Variants in CLEC16A observed in about 807,000 individuals in gnomAD.
The protein encoded by CLEC16A is protein CLEC16A.
CLEC16A carries 51 observed loss-of-function variants against 109.5 expected under a neutral mutation model. The ratio of observed to expected loss-of-function variants is 0.47; its 90% confidence interval spans 0.37 to 0.59. The LOEUF (loss-of-function observed/expected upper bound fraction) is 0.59, where lower values mean the gene tolerates loss of function less well. Ranked by LOEUF, CLEC16A falls within the 20% of genes least tolerant of loss-of-function variation. CLEC16A has a pLI of 0.00. For synonymous variants in CLEC16A, 673 were observed against 564.2 expected (o/e 1.19, Z -2.73); for missense variants, 1,339 against 1,394.0 (o/e 0.96, Z 0.63).
intron 22 of CLEC16A, among the ~76,000 whole-genome samples, chr16:11,159,028 CAA>C: frequency 6.6e-6 from 1 of 152,126 alleles, no homozygotes; most frequent in South Asian, 2.1e-4. Flanking sequence ...TCTTAATTTT[CAA>C]AAGGAGTATG....
intron 22 of CLEC16A, among the ~76,000 whole-genome samples, chr16:11,158,185 T>G (rs1310806342): frequency 6.6e-6 from 1 of 151,972 alleles, no homozygotes; most frequent in Non-Finnish European, 1.5e-5. Context: ...GCCGATTGAT[T>G]TTTTTTTACT....
chr16:11,049,134 A>G (rs1300165082), intron 17 of CLEC16A, among the ~76,000 whole-genome samples: 1 of 151,702 alleles, frequency 6.6e-6, no homozygotes, highest in African/African-American at 2.4e-5. Flanking sequence ...CAGCCTCCCG[A>G]GTAGCTGGGA....
At chr16:11,168,998 G>A (rs2140967206) in intron 23 of CLEC16A, among the ~76,000 whole-genome samples, 1 of 152,342 alleles carries the variant, frequency 6.6e-6, no homozygotes, top group Middle Eastern at 3.4e-3. Context: ...TCCTTGGAGG[G>A]CCAGCCAGGC....
chr16:11,061,786 A>C (rs551614218), intron 19 of CLEC16A, among the ~76,000 whole-genome samples: 6 of 152,320 alleles, frequency 3.9e-5, no homozygotes, highest in African/African-American at 1.4e-4. Flanking sequence ...GGCTGATGTC[A>C]CTGGGAAGTC....
intron 19 of CLEC16A, among the ~76,000 whole-genome samples, chr16:11,110,427 C>T (rs1248695461): frequency 1.3e-5 from 2 of 152,172 alleles, no homozygotes; most frequent in African/African-American, 4.8e-5. Flanking sequence ...GGCCTCACTG[C>T]AGAGCCCGGG....
chr16:10,982,856 C>T, intron 9 of CLEC16A, 22 bp from the exon 10 acceptor site: 2 of 1,386,624 alleles, frequency 1.4e-6, no homozygotes, highest in East Asian at 2.3e-5. Flanking sequence ...CATGCAAATC[C>T]CGTTTCTTTT....
intron 19 of CLEC16A, among the ~76,000 whole-genome samples, chr16:11,111,039 C>T (rs1300260866): frequency 6.6e-6 from 1 of 151,908 alleles, no homozygotes; most frequent in African/African-American, 2.4e-5. Flanking sequence ...CCAAGGTCCC[C>T]AAAACAGCCA....
At chr16:11,170,431 C>T (rs552013693) in intron 23 of CLEC16A, among the ~76,000 whole-genome samples, 3 of 152,324 alleles carry the variant, frequency 2.0e-5, no homozygotes, top group East Asian at 1.9e-4. Context: ...CTCCAGCCTG[C>T]GTCCAGCTCA....
At chr16:11,085,605 GT>G (rs2049969108) in intron 19 of CLEC16A, among the ~76,000 whole-genome samples, 1 of 152,244 alleles carries the variant, frequency 6.6e-6, no homozygotes, top group African/African-American at 2.4e-5. Context: ...GTGCTTGGTA[GT>G]TGTTATTGTC....
intron 1 of CLEC16A, among the ~76,000 whole-genome samples, chr16:10,948,925 T>C: frequency 6.6e-6 from 1 of 152,256 alleles, no homozygotes; most frequent in Middle Eastern, 3.4e-3. Context: ...AAGTCCAGAA[T>C]TGAGATTGAG....
chr16:11,165,762 G>C (rs188239945), intron 22 of CLEC16A, among the ~76,000 whole-genome samples: 23 of 152,264 alleles, frequency 1.5e-4, no homozygotes, highest in African/African-American at 5.3e-4. Context: ...CCGCAGAAAC[G>C]TGTGGGCAGA....
chr16:10,984,318 C>A lies in CLEC16A; in HGVS notation c.1071+1327C>A, dbSNP rs115890664. Among the ~76,000 whole-genome samples, 577 of 152,286 alleles carry A rather than the reference C, an allele frequency of 3.8e-3. 4 individuals carry two copies. The highest frequency in any genetic ancestry group is 0.02 in the Middle Eastern group (6 of 294). The stretch of plus-strand genomic sequence containing the variant: ...TGAAAAGCTTCCCAGAAACTCTGTC[C>A]TTGTTAGTGGTGGTGGCATTAGTGA... On this transcript the variant is annotated intron_variant, in intron 10 of 23. Transcript: ENST00000409790.
At chr16:11,083,480 G>A (rs781235134) in intron 19 of CLEC16A, among the ~76,000 whole-genome samples, 26 of 152,176 alleles carry the variant, frequency 1.7e-4, no homozygotes, top group Non-Finnish European at 3.2e-4. Context: ...CTCATCATGT[G>A]CCAGGCACTG....
At chr16:11,064,640 G>C (rs956446270) in intron 19 of CLEC16A, among the ~76,000 whole-genome samples, 5 of 152,164 alleles carry the variant, frequency 3.3e-5, no homozygotes, top group Admixed American at 1.3e-4. Context: ...AGCCGGTTGT[G>C]GTGGCAGATA....
chr16:10,962,673 A>G, intron 3 of CLEC16A, 85 bp downstream of exon 3: 19 of 1,447,276 alleles, frequency 1.3e-5, no homozygotes, highest in Non-Finnish European at 1.8e-5. Flanking sequence ...GTCTGCGCTT[A>G]CTATTCGTCG....
chr16:10,974,749 C>T (rs563565783), intron 7 of CLEC16A, among the ~76,000 whole-genome samples: 4 of 152,350 alleles, frequency 2.6e-5, no homozygotes, highest in African/African-American at 7.2e-5. Flanking sequence ...TGGATTTAAA[C>T]AGTCATGGAT....
At position 11,058,100 on chromosome 16, in the gene CLEC16A, T is replaced by A. The variant is rs1271596803; in HGVS notation, c.1996-2802T>A. Among the ~76,000 whole-genome samples, 3 of 152,248 alleles carry A rather than the reference T, an allele frequency of 2.0e-5. No individual in the cohort carries two copies. In the East Asian group the frequency reaches 5.8e-4, roughly 29 times the overall value. On this transcript the variant is annotated intron_variant, in intron 18 of 23. Transcript: ENST00000409790. ...GCCCAATGTGCCTACCAGGCCCTTA[T>A]AACCCCCCTACCCCCATGGGAGCCC...
intron 19 of CLEC16A, among the ~76,000 whole-genome samples, chr16:11,065,809 G>A (rs1463514912): frequency 3.3e-5 from 5 of 152,218 alleles, no homozygotes; most frequent in Non-Finnish European, 5.9e-5. Flanking sequence ...AGGCTGAGGT[G>A]GGAGAGAGGG....
chr16:10,986,444 C>G (rs2043661404), intron 10 of CLEC16A, among the ~76,000 whole-genome samples: 1 of 152,138 alleles, frequency 6.6e-6, no homozygotes, highest in African/African-American at 2.4e-5. Flanking sequence ...ATTTCTAGAT[C>G]TCATTTATCT....
Sources: gnomAD v4.1 joint callset for allele counts (sites outside exome capture counted in the v4.1 genomes callset) on GRCh38, gnomAD v4.1.1 for gene constraint, MANE v1.5 for transcripts, NCBI Gene and HGNC (gene_info 2026-07-23, HGNC 2026-07-21) for gene names.